The following UBE4B variants were observed in gnomAD, a reference collection of about 807,000 sequenced individuals.
UBE4B encodes ubiquitin conjugation factor E4 B.
Under a neutral mutation model 148.1 loss-of-function variants are expected in UBE4B, and 27 were observed. The observed-to-expected ratio is 0.18, with a 90% CI of 0.13 to 0.25. The LOEUF (loss-of-function observed/expected upper bound fraction) is 0.25. Among genes scored for constraint, UBE4B ranks in the 10% least tolerant of loss-of-function variants. The pLI is 1.00. For synonymous variants in UBE4B, 596 were observed against 619.3 expected (o/e 0.96, Z 0.56); for missense variants, 1,170 against 1,662.4 (o/e 0.70, Z 5.15).
chr1:10,045,257 C>A lies in UBE4B; in HGVS notation c.24+11563C>A, dbSNP rs1271854384. Reference sequence around the variant, plus strand: ...TGGTCTGTGGCCCAGGGGTTGGGGACCCCCGCATTAGGGAGCTTCAGAGAG... The same window carrying A: ...TGGTCTGTGGCCCAGGGGTTGGGGAACCCCGCATTAGGGAGCTTCAGAGAG... On this transcript the variant is annotated intron_variant, in intron 1 of 27. Coordinates refer to ENST00000343090, the MANE Select transcript of UBE4B (RefSeq NM_001105562.3). Among the ~76,000 whole-genome samples, 3 of 152,284 alleles carry A rather than the reference C, an allele frequency of 2.0e-5. No individual in the cohort carries two copies. The South Asian group carries it at 6.2e-4, about 32-fold the overall frequency.
At chr1:10,067,829 G>T (rs1254280713) in intron 1 of UBE4B, among the ~76,000 whole-genome samples, 2 of 151,996 alleles carry the variant, frequency 1.3e-5, no homozygotes, top group Non-Finnish European at 2.9e-5. Flanking sequence ...CTGGGTTCAC[G>T]CCATTCTCCT....
Position 10,035,721 on chromosome 1 carries a change from AT to A in UBE4B, c.24+2036del, listed in dbSNP as rs1046609613. Among the ~76,000 whole-genome samples, 219 of 127,454 alleles carry A rather than the reference AT, an allele frequency of 1.7e-3. 1 individual carries two copies. The Middle Eastern group carries it at 0.057, about 33-fold the overall frequency. 83.6% of individuals were successfully genotyped at this position (127,454 alleles called of 152,430 possible). On this transcript the variant is annotated intron_variant, in intron 1 of 27. Transcript: ENST00000343090. The stretch of plus-strand genomic sequence containing the variant: ...GTGACCGGCCAGAGATAGTTTTTTT[AT>A]TTTTTTTTATTTTTTATTTATTTTA...
intron 23 of UBE4B, among the ~76,000 whole-genome samples, chr1:10,164,026 C>CTTA (rs915430871): frequency 2.0e-5 from 3 of 151,512 alleles, no homozygotes; most frequent in Non-Finnish European, 4.4e-5. Flanking sequence ...CATGCCCAGC[C>CTTA]TTATTATTAT....
intron 2 of UBE4B, among the ~76,000 whole-genome samples, chr1:10,074,484 G>C (rs1252841712): frequency 2.0e-5 from 3 of 151,974 alleles, no homozygotes; most frequent in African/African-American, 7.2e-5. Flanking sequence ...AGAACTTCCG[G>C]AATGAGTTGC....
In UBE4B at chr1:10,102,936, C is replaced by CT. The variant is rs1645039611; in HGVS notation, c.436-10dup. 6.3e-7 allele frequency: 1 copy of CT among 1,596,976 alleles called. No individual in the cohort carries two copies. Reference sequence around the variant, plus strand: ...TATTTGAAATTAACCTGCAAATCTTCTTCTTCACCAGGAGCCTTCCTCGGG... The same window carrying CT: ...TATTTGAAATTAACCTGCAAATCTTCTTTCTTCACCAGGAGCCTTCCTCGGG... On this transcript the variant is annotated splice_polypyrimidine_tract_variant and intron_variant, in intron 4 of 27. Coordinates refer to ENST00000343090, the MANE Select transcript of UBE4B (RefSeq NM_001105562.3).
In UBE4B at chr1:10,046,067, T is replaced by C. The variant is rs1643907168; in HGVS notation, c.24+12373T>C. 1.3e-5 allele frequency among the ~76,000 whole-genome samples: 2 copies of C among 152,186 alleles called. 1 individual carries two copies. The highest frequency in any genetic ancestry group is 4.1e-4 in the South Asian group (2 of 4,834). On this transcript the variant is annotated intron_variant, in intron 1 of 27. Transcript: ENST00000343090. ...CTACTTTCCTACCATATGGCTTCCA[T>C]CTTTTGGCCCTTGTATGTCTGCATT...
chr1:10,153,364 C>T (rs1385207001), intron 21 of UBE4B, among the ~76,000 whole-genome samples: 1 of 151,286 alleles, frequency 6.6e-6, no homozygotes, highest in Admixed American at 6.6e-5. Flanking sequence ...AAATTAGATG[C>T]CTGTTGTCCC....
chr1:10,154,988 G>A (rs955466208), intron 21 of UBE4B, among the ~76,000 whole-genome samples: 2 of 152,072 alleles, frequency 1.3e-5, no homozygotes, highest in Admixed American at 6.6e-5. Context: ...AACATGTATT[G>A]TTAGTAGTAA....
intron 2 of UBE4B, among the ~76,000 whole-genome samples, chr1:10,089,069 C>T (rs762667267): frequency 5.3e-5 from 8 of 152,162 alleles, no homozygotes; most frequent in South Asian, 2.1e-4. Flanking sequence ...TGCAGTGGCG[C>T]GATCTCAGCT....
chr1:10,100,317 T>C (rs1423407853), intron 3 of UBE4B, among the ~76,000 whole-genome samples: 2 of 152,068 alleles, frequency 1.3e-5, no homozygotes, highest in Non-Finnish European at 2.9e-5. Context: ...TTTAAAAATG[T>C]TTATTTAATT....
At chr1:10,152,557 G>T (rs1044569715) in intron 21 of UBE4B, among the ~76,000 whole-genome samples, 1 of 151,956 alleles carries the variant, frequency 6.6e-6, no homozygotes, top group Non-Finnish European at 1.5e-5. Context: ...CAGCACTTTG[G>T]GAGGCCGAGG....
intron 1 of UBE4B, among the ~76,000 whole-genome samples, chr1:10,048,493 C>T (rs552759185): frequency 6.6e-6 from 1 of 152,150 alleles, no homozygotes; most frequent in Admixed American, 6.5e-5. Flanking sequence ...ACTGAGCCTC[C>T]ATCCATTCCA....
intron 1 of UBE4B, among the ~76,000 whole-genome samples, chr1:10,063,059 G>A (rs1644318232): frequency 6.6e-6 from 1 of 151,796 alleles, no homozygotes; most frequent in South Asian, 2.1e-4. Context: ...CCTGAGGTCA[G>A]GAATTCGAAA....
chr1:10,072,758 G>A (rs904370187), intron 2 of UBE4B: 2 of 352,494 alleles, frequency 5.7e-6, no homozygotes, highest in Non-Finnish European at 5.1e-6. Context: ...TGTCTTTGTT[G>A]GGAAATGATA....
intron 1 of UBE4B, among the ~76,000 whole-genome samples, chr1:10,067,728 T>TTTG (rs547605958): frequency 7.9e-5 from 12 of 151,744 alleles, no homozygotes; most frequent in Non-Finnish European, 1.2e-4. Flanking sequence ...CATCTCAGTA[T>TTTG]TTGTTGTTGT....
intron 4 of UBE4B, among the ~76,000 whole-genome samples, chr1:10,102,732 C>G (rs1219879401): frequency 2.0e-5 from 3 of 151,790 alleles, no homozygotes; most frequent in Admixed American, 6.6e-5. Context: ...TTTATGCTCC[C>G]CATAGATTGT....
intron 2 of UBE4B, among the ~76,000 whole-genome samples, chr1:10,078,979 G>T (rs927094701): frequency 4.6e-5 from 7 of 152,048 alleles, no homozygotes; most frequent in Non-Finnish European, 7.4e-5. Context: ...ACCATGCCTG[G>T]CTAATTTTTT....
intron 17 of UBE4B, among the ~76,000 whole-genome samples, chr1:10,143,908 G>T (rs1341640182): frequency 1.3e-5 from 2 of 152,160 alleles, no homozygotes; most frequent in African/African-American, 4.8e-5. Flanking sequence ...ATGCAATCAC[G>T]CAGTCACTTC....
intron 10 of UBE4B, among the ~76,000 whole-genome samples, chr1:10,123,568 T>C (rs950996229): frequency 5.3e-5 from 8 of 152,074 alleles, no homozygotes; most frequent in South Asian, 2.1e-4. Context: ...GTTCTCTCTA[T>C]ATAAAATCAG....
Sources: allele counts gnomAD v4.1 joint callset (sites outside exome capture counted in the v4.1 genomes callset), GRCh38; gene constraint gnomAD v4.1.1; transcripts MANE v1.5; gene names NCBI Gene and HGNC (gene_info 2026-07-23, HGNC 2026-07-21).